Variants in SYN3 observed in about 807,000 individuals in gnomAD.
SYN3 encodes the protein synapsin III.
A neutral mutation model predicts 65.8 loss-of-function variants in SYN3; 35 were observed. The observed-to-expected ratio is 0.53, with a 90% confidence interval of 0.41 to 0.70. The LOEUF (loss-of-function observed/expected upper bound fraction) is 0.70, where lower values mean the gene tolerates loss of function less well. Ranked by LOEUF, SYN3 falls within the 30% of genes least tolerant of loss-of-function variation. The probability of loss-of-function intolerance (pLI) is 0.00; values close to 1 mark genes in which losing one functional copy is unlikely to be tolerated. For synonymous variants in SYN3, 270 were observed against 292.9 expected (o/e 0.92, Z 0.80); for missense variants, 680 against 749.0 (o/e 0.91, Z 1.08).
intron 6 of SYN3, among the ~76,000 whole-genome samples, chr22:32,770,468 C>T (rs2045739757): frequency 6.6e-6 from 1 of 152,166 alleles, no homozygotes; most frequent in Admixed American, 6.5e-5. Flanking sequence ...TTCTGCCTCT[C>T]CTCGTCACTC....
chr22:32,656,530 T>G (rs1328779155), intron 6 of SYN3, among the ~76,000 whole-genome samples: 2 of 152,108 alleles, frequency 1.3e-5, no homozygotes, highest in African/African-American at 4.8e-5. Flanking sequence ...TTGGGGAGGT[T>G]GAGGTTTGAG....
At chr22:32,776,412 A>G (rs528026028) in intron 6 of SYN3, among the ~76,000 whole-genome samples, 2 of 152,328 alleles carry the variant, frequency 1.3e-5, no homozygotes, top group South Asian at 4.1e-4. Context: ...GTCATGCCTT[A>G]CCAGGTGCCA....
chr22:32,827,601 T>C (rs1009404925), intron 6 of SYN3, among the ~76,000 whole-genome samples: 1 of 12,542 alleles, frequency 8.0e-5, no homozygotes, highest in African/African-American at 9.8e-4. Context: ...CTCCCTTGCT[T>C]TTACAAGCCA....
intron 6 of SYN3, among the ~76,000 whole-genome samples, chr22:32,602,079 T>A (rs2059292533): frequency 1.3e-5 from 2 of 152,172 alleles, no homozygotes; most frequent in Non-Finnish European, 2.9e-5. Context: ...ACCTTATAAT[T>A]TTTATATGTC....
rs9621538 is a variant in SYN3 at position 32,697,871 on chromosome 22, T to C, written c.712-101135A>G. Among the ~76,000 whole-genome samples, 175 of 152,296 alleles carry C rather than the reference T, an allele frequency of 1.1e-3. 1 individual carries two copies. The highest frequency in any genetic ancestry group is 2.1e-3 in the Non-Finnish European group (142 of 68,028). Reference sequence around the variant, plus strand: ...TGAACAAGCACTCACACATTTCTGCTTGAACTTTGATACTCTGCCATCAGC... The same window carrying C: ...TGAACAAGCACTCACACATTTCTGCCTGAACTTTGATACTCTGCCATCAGC... On this transcript the variant is annotated intron_variant, in intron 6 of 13. Transcript: ENST00000358763.
At position 32,667,882 on chromosome 22, in the gene SYN3, C is replaced by T. The variant is rs999981123; in HGVS notation, c.712-71146G>A. Among the ~76,000 whole-genome samples the T allele has an allele frequency of 1.9e-3, 283 of 151,686 alleles. 1 individual carries two copies. Among genetic ancestry groups the T allele is most frequent in the African/African-American group, 6.3e-3 (259 of 41,336 alleles). ...GCGCCATCTCTGCCCACTGCAAGTC[C>T]GCCCGGGTTCATGCCATTCTCTTGC... On this transcript the variant is annotated intron_variant, in intron 6 of 13. Transcript: ENST00000358763.
intron 3 of SYN3, among the ~76,000 whole-genome samples, chr22:32,966,411 C>T (rs747904280): frequency 4.6e-5 from 7 of 151,976 alleles, no homozygotes; most frequent in South Asian, 2.1e-4. Flanking sequence ...TTGGTGAGAC[C>T]GAAGTCTAAG....
At chr22:32,807,146 G>A (rs111303650) in intron 6 of SYN3, among the ~76,000 whole-genome samples, 75 of 150,430 alleles carry the variant, frequency 5.0e-4, no homozygotes, top group Non-Finnish European at 9.6e-4. Flanking sequence ...AGACTGGGTA[G>A]CTCCCCCTGG....
At chr22:32,534,989 T>G (rs970778602) in intron 9 of SYN3, among the ~76,000 whole-genome samples, 39 of 152,178 alleles carry the variant, frequency 2.6e-4, no homozygotes, top group African/African-American at 8.9e-4. Context: ...GGATGGAGAC[T>G]CACACCCATG....
intron 6 of SYN3, chr22:32,860,758 G>A (rs2048512025): frequency 6.6e-6 from 1 of 152,090 alleles, no homozygotes; most frequent in Non-Finnish European, 1.5e-5. Context: ...CTTGGCTGGA[G>A]GGACACCTCT....
intron 1 of SYN3, among the ~76,000 whole-genome samples, chr22:33,036,324 T>C (rs2053858923): frequency 6.6e-6 from 1 of 152,192 alleles, no homozygotes; most frequent in Non-Finnish European, 1.5e-5. Flanking sequence ...CAGAATACGC[T>C]ATCCCAAAAT....
chr22:32,508,416 T>A lies in SYN3; in HGVS notation c.*5276A>T, dbSNP rs1042638230. Among the ~76,000 whole-genome samples the A allele has an allele frequency of 1.8e-4, 28 of 152,156 alleles. No individual in the cohort carries two copies. The highest frequency in any genetic ancestry group is 5.1e-4 in the African/African-American group (21 of 41,444). On this transcript the variant is annotated 3_prime_UTR_variant, in exon 14 of 14. Transcript: ENST00000358763. ...CCCTTTGCTGACTCTCTTTTCGGAC[T>A]CATCCGGCCTGCACCCAGGTGAAAT...
intron 1 of SYN3, among the ~76,000 whole-genome samples, chr22:33,034,666 A>C (rs2053820153): frequency 6.6e-6 from 1 of 152,178 alleles, no homozygotes; most frequent in Admixed American, 6.5e-5. Context: ...CACTGAGCGA[A>C]TTACAAGCAC....
In SYN3 at chr22:32,800,920, C is replaced by G. The variant is rs886057425; in HGVS notation, c.711+63995G>C. On this transcript the variant is annotated intron_variant, in intron 6 of 13. Coordinates refer to ENST00000358763, the MANE Select transcript of SYN3 (RefSeq NM_003490.4). ...TATCGCAGAGAGAGCAGGCCCTCCC[C>G]AGTCATGTCCAACCCAGAACTCTGT... is the stretch of plus-strand genomic sequence containing the variant. 6.6e-5 allele frequency among the ~76,000 whole-genome samples: 10 copies of G among 152,204 alleles called. No homozygotes were observed. The highest frequency in any genetic ancestry group is 6.5e-5 in the Admixed American group (1 of 15,274).
At chr22:32,771,279 C>T (rs1191487398) in intron 6 of SYN3, among the ~76,000 whole-genome samples, 8 of 152,152 alleles carry the variant, frequency 5.3e-5, no homozygotes, top group Admixed American at 2.0e-4. Flanking sequence ...TGGTATATAA[C>T]CAGCCTTGCC....
intron 6 of SYN3, chr22:32,858,061 G>T (rs145285380): frequency 6.2e-7 from 1 of 1,614,172 alleles, no homozygotes; most frequent in South Asian, 1.1e-5. Flanking sequence ...GTGCAACTTC[G>T]TGGAGAGGTG....
At chr22:32,576,801 C>T (rs5998546) in intron 7 of SYN3, among the ~76,000 whole-genome samples, 25 of 151,724 alleles carry the variant, frequency 1.6e-4, no homozygotes, top group African/African-American at 5.1e-4. Flanking sequence ...CCTAATCCCC[C>T]GCTTCCAACC....
In SYN3 at chr22:32,507,889, G is replaced by A. The variant is rs997901345; in HGVS notation, c.*5803C>T. On this transcript the variant is annotated 3_prime_UTR_variant, in exon 14 of 14. Coordinates refer to ENST00000358763, the MANE Select transcript of SYN3 (RefSeq NM_003490.4). ...TCCCCACAATATCACCCCTTACCAC[G>A]AGACCTCCCTTCAGCTTAATCTCTC... 3.1e-3 allele frequency among the ~76,000 whole-genome samples: 475 copies of A among 151,466 alleles called. 2 individuals are homozygous for A. Among genetic ancestry groups the A allele is most frequent in the African/African-American group, 0.011 (434 of 41,178 alleles).
rs536620225 is a variant in SYN3 at position 32,756,232 on chromosome 22, G to T, written c.711+108683C>A. Among the ~76,000 whole-genome samples, 550 of 151,340 alleles carry T rather than the reference G, an allele frequency of 3.6e-3. 2 individuals carry two copies. Among genetic ancestry groups the T allele is most frequent in the African/African-American group, 0.012 (515 of 41,278 alleles). On this transcript the variant is annotated intron_variant, in intron 6 of 13. Coordinates refer to ENST00000358763, the MANE Select transcript of SYN3 (RefSeq NM_003490.4). ...CTTAAAGTTCAATTAAAAAAAAAAA[G>T]TTAACTGGAGTCCCCTAACTGTAAC... is the stretch of plus-strand genomic sequence containing the variant.
Sources: allele counts gnomAD v4.1 joint callset (sites outside exome capture counted in the v4.1 genomes callset), GRCh38; gene constraint gnomAD v4.1.1; transcripts MANE v1.5; gene names NCBI Gene and HGNC (gene_info 2026-07-23, HGNC 2026-07-21).